GAN: variants seen among roughly 807,000 people sequenced by gnomAD.
GAN encodes gigaxonin, also known as epididymis secretory sperm binding protein.
Under a neutral mutation model 71.3 loss-of-function variants are expected in GAN, and 48 were observed. That is an observed-to-expected ratio of 0.67 (90% confidence interval 0.53 to 0.86). The LOEUF is 0.86. Ranked by LOEUF, GAN falls within the 40% of genes least tolerant of loss-of-function variation. The probability of loss-of-function intolerance (pLI) is 0.00; values close to 1 mark genes in which losing one functional copy is unlikely to be tolerated. For missense variants in GAN, 928 were observed against 770.1 expected, an observed-to-expected ratio of 1.21 and a Z score of -2.43; for synonymous variants, 386 against 276.8, an observed-to-expected ratio of 1.39 and a Z score of -3.92.
rs1183527528 is a variant in GAN at position 81,390,224 on chromosome 16, A to G, written c.*12628A>G. ...GCAACTTGTAAAATTGTACTCCCCA[A>G]GTTCAGTAGGATAGTAGAGAAGTCG... is the stretch of plus-strand genomic sequence containing the variant. On this transcript the variant is annotated 3_prime_UTR_variant, in exon 11 of 11. Transcript: ENST00000648994. 6.6e-6 allele frequency: 1 copy of G among 152,230 alleles called. No homozygotes were observed. Among genetic ancestry groups the G allele is most frequent in the African/African-American group, 2.4e-5 (1 of 41,462 alleles). 9.4% of individuals were successfully genotyped at this position (152,230 alleles called of 1,614,324 possible).
rs757216350 is a variant in GAN, at chr16:81,377,585, C to T, written c.1783C>T (p.His595Tyr). Residue 595 changes from histidine (H) to tyrosine (Y), a missense_variant, in exon 11 of 11, where the codon CAT becomes TAT. His to Tyr is a moderately conservative substitution (Grantham distance 83). Coordinates refer to ENST00000648994, the MANE Select transcript of GAN (RefSeq NM_022041.4). ...GCAAGGCTTATTCCGTATTCGTGTT[C>T]ATTCCCCTTGAGGAGGAAGCAGAGC... Reference protein sequence around the residue: ...LQQGLFRIRVHSP With the variant: ...LQQGLFRIRVYSP 3 of 1,614,086 alleles carry T rather than the reference C, an allele frequency of 1.9e-6. No homozygotes were observed. Among genetic ancestry groups the T allele is most frequent in the East Asian group, 2.2e-5 (1 of 44,888 alleles).
intron 9 of GAN, among the ~76,000 whole-genome samples, chr16:81,367,619 G>C (rs1444664554): frequency 6.6e-6 from 1 of 152,156 alleles, no homozygotes; most frequent in African/African-American, 2.4e-5. Context: ...AATGAAGAAA[G>C]CTGTTAATTT....
chr16:81,380,380 A>G lies in GAN; in HGVS notation c.*2784A>G, dbSNP rs1278885866. On this transcript the variant is annotated 3_prime_UTR_variant, in exon 11 of 11. Transcript: ENST00000648994. Reference sequence around the variant, plus strand: ...AGAAGGAAAGTTGTCTCAGGTTAGAATAAGTAAATATTTAAAGAACCTCTC... The same window carrying G: ...AGAAGGAAAGTTGTCTCAGGTTAGAGTAAGTAAATATTTAAAGAACCTCTC... 1 of 152,662 alleles carries G rather than the reference A, an allele frequency of 6.6e-6. No individual in the cohort carries two copies. Among genetic ancestry groups the G allele is most frequent in the African/African-American group, 2.4e-5 (1 of 41,460 alleles). 9.5% of individuals were successfully genotyped at this position (152,662 alleles called of 1,614,324 possible). A position where few individuals can be genotyped will look rare whatever the true frequency, so the allele number is the denominator to read the frequency against.
chr16:81,356,129 G>A (rs1481637349), intron 3 of GAN, among the ~76,000 whole-genome samples: 1 of 152,082 alleles, frequency 6.6e-6, no homozygotes, highest in Non-Finnish European at 1.5e-5. Context: ...TTTGTCCTTT[G>A]GTCAGTTTAA....
intron 5 of GAN, among the ~76,000 whole-genome samples, chr16:81,361,603 A>G (rs1403737097): frequency 6.6e-6 from 1 of 152,206 alleles, no homozygotes; most frequent in African/African-American, 2.4e-5. Flanking sequence ...TCAGTGTAAA[A>G]TGGTTTTCAT....
intron 1 of GAN, among the ~76,000 whole-genome samples, chr16:81,335,971 T>A (rs1029079784): frequency 6.6e-6 from 1 of 152,176 alleles, no homozygotes; most frequent in Non-Finnish European, 1.5e-5. Context: ...CCCTGCCTTA[T>A]GCCCTTTGCT....
chr16:81,362,660 A>G, intron 6 of GAN, 49 bp downstream of exon 6: 1 of 987,282 alleles, frequency 1.0e-6, no homozygotes, highest in Non-Finnish European at 1.6e-6. Context: ...CTTTCCCCTT[A>G]GCGCTTCTGT....
At chr16:81,346,068 C>G (rs1910109153) in intron 1 of GAN, among the ~76,000 whole-genome samples, 1 of 152,216 alleles carries the variant, frequency 6.6e-6, no homozygotes, top group African/African-American at 2.4e-5. Flanking sequence ...TGAAGCTCCT[C>G]TATCTGAACA....
intron 1 of GAN, among the ~76,000 whole-genome samples, chr16:81,339,238 C>T (rs923918442): frequency 6.6e-6 from 1 of 152,154 alleles, no homozygotes; most frequent in South Asian, 2.1e-4. Flanking sequence ...CCTTCTGAAT[C>T]AGAAAAACCT....
At chr16:81,354,227 C>T (rs1342548123) in intron 2 of GAN, among the ~76,000 whole-genome samples, 178 bp from the exon 3 acceptor site, 2 of 135,102 alleles carry the variant, frequency 1.5e-5, no homozygotes, top group Non-Finnish European at 3.1e-5. Flanking sequence ...TATGTTGGTG[C>T]CTTCCAACTC....
At chr16:81,323,405 T>A (rs550048626) in intron 1 of GAN, among the ~76,000 whole-genome samples, 1 of 152,328 alleles carries the variant, frequency 6.6e-6, no homozygotes, top group South Asian at 2.1e-4. Flanking sequence ...CCTTTATTTA[T>A]AGGCTTCTTT....
intron 2 of GAN, among the ~76,000 whole-genome samples, chr16:81,352,954 A>G (rs1011101184): frequency 6.6e-6 from 1 of 152,194 alleles, no homozygotes; most frequent in Non-Finnish European, 1.5e-5. Context: ...TTGAAACATT[A>G]TTTACAGATT....
chr16:81,330,784 A>G (rs1053077495), intron 1 of GAN, among the ~76,000 whole-genome samples: 6 of 152,264 alleles, frequency 3.9e-5, no homozygotes, highest in Non-Finnish European at 5.9e-5. Flanking sequence ...GGAGAAACCC[A>G]AGAGGTACCA....
chr16:81,339,645 G>A (rs1288802519), intron 1 of GAN, among the ~76,000 whole-genome samples: 1 of 152,210 alleles, frequency 6.6e-6, no homozygotes, highest in Non-Finnish European at 1.5e-5. Flanking sequence ...TCATAATAAA[G>A]TTATTGATAA....
intron 1 of GAN, among the ~76,000 whole-genome samples, chr16:81,319,268 T>C (rs545858642): frequency 2.7e-5 from 4 of 150,582 alleles, no homozygotes; most frequent in African/African-American, 9.8e-5. Flanking sequence ...TTCATAGTCA[T>C]AAGCACCCAC....
intron 1 of GAN, among the ~76,000 whole-genome samples, chr16:81,330,630 A>G (rs550984097): frequency 6.6e-6 from 1 of 152,380 alleles, no homozygotes; most frequent in African/African-American, 2.4e-5. Context: ...AGAAATCATC[A>G]TTGAAGTACC....
chr16:81,336,786 T>C (rs535287246), intron 1 of GAN, among the ~76,000 whole-genome samples: 8 of 152,232 alleles, frequency 5.3e-5, no homozygotes, highest in African/African-American at 1.7e-4. Context: ...AGCTTTATTT[T>C]TTAGAGCAAC....
intron 1 of GAN, among the ~76,000 whole-genome samples, chr16:81,341,472 G>A (rs1909939946): frequency 1.3e-5 from 2 of 152,110 alleles, no homozygotes; most frequent in Admixed American, 1.3e-4. Context: ...AGAGAGTGGG[G>A]GCCAATATTC....
intron 1 of GAN, among the ~76,000 whole-genome samples, chr16:81,340,777 G>A (rs1909916084): frequency 6.6e-6 from 1 of 151,868 alleles, no homozygotes; most frequent in Non-Finnish European, 1.5e-5. Flanking sequence ...GAACAAAACT[G>A]GATGGATAAT....
Sources: gnomAD v4.1 joint callset for allele counts (sites outside exome capture counted in the v4.1 genomes callset) on GRCh38, gnomAD v4.1.1 for gene constraint, MANE v1.5 for transcripts, NCBI Gene and HGNC (gene_info 2026-07-23, HGNC 2026-07-21) for gene names.